ZNF782: variants seen among roughly 807,000 people sequenced by gnomAD.
ZNF782 encodes the protein zinc finger protein 782.
Under a neutral mutation model 13.0 loss-of-function variants are expected in ZNF782, and 12 were observed. The observed-to-expected ratio is 0.92, with a 90% CI of 0.59 to 1.50. The LOEUF is 1.50. ZNF782 is among the 40% of genes most tolerant of loss of function. ZNF782 has a pLI of 0.00. For missense variants in ZNF782, 770 were observed against 822.9 expected (o/e 0.94, Z 0.79); for synonymous variants, 284 against 283.0 (o/e 1.00, Z -0.04).
chr9:96,840,930 A>G (rs1851169121), intron 4 of ZNF782, among the ~76,000 whole-genome samples: 1 of 152,062 alleles, frequency 6.6e-6, no homozygotes, highest in Non-Finnish European at 1.5e-5. Flanking sequence ...TAAAACCAAA[A>G]AAACAAAAGA....
At chr9:96,931,373 A>G in the ZNF782 span, among the ~76,000 whole-genome samples, 4 of 148,518 alleles carry the variant, frequency 2.7e-5, no homozygotes, top group African/African-American at 1.0e-4. Flanking sequence ...GCACACTGAG[A>G]GCCACCAAGC....
At chr9:96,866,188 CT>C (rs1214784856) in intron 1 of ZNF782, among the ~76,000 whole-genome samples, 1 of 152,114 alleles carries the variant, frequency 6.6e-6, no homozygotes, top group Non-Finnish European at 1.5e-5. Flanking sequence ...TGTCAGAGAC[CT>C]TTGTGGCAGC....
At chr9:96,863,609 C>T (rs1851729437) in intron 1 of ZNF782, among the ~76,000 whole-genome samples, 1 of 152,102 alleles carries the variant, frequency 6.6e-6, no homozygotes, top group African/African-American at 2.4e-5. Context: ...TGGAGTCAGC[C>T]TAAATGCCCA....
At chr9:96,869,850 G>T (rs1435913379) in intron 1 of ZNF782, among the ~76,000 whole-genome samples, 1 of 152,132 alleles carries the variant, frequency 6.6e-6, no homozygotes, top group African/African-American at 2.4e-5. Context: ...ATTAAAATTT[G>T]CTTTGAGTAT....
chr9:96,832,260 C>G (rs1435173907), intron 4 of ZNF782, among the ~76,000 whole-genome samples: 1 of 152,260 alleles, frequency 6.6e-6, no homozygotes, highest in Admixed American at 6.5e-5. Flanking sequence ...TGAAGGGACT[C>G]TAAGTCCCTT....
chr9:96,931,278 C>T, the ZNF782 span, among the ~76,000 whole-genome samples: 2,917 of 150,908 alleles, frequency 0.019, 149 homozygotes, highest in East Asian at 0.22. Context: ...GGAGATGGGG[C>T]CATAATATTC....
At chr9:96,924,956 T>C in the ZNF782 span, among the ~76,000 whole-genome samples, 1 of 152,212 alleles carries the variant, frequency 6.6e-6, no homozygotes, top group Non-Finnish European at 1.5e-5. Context: ...GCCACAAGGA[T>C]GGGGTCGCCC....
intron 4 of ZNF782, among the ~76,000 whole-genome samples, chr9:96,842,643 C>T (rs1450814574): frequency 6.6e-6 from 1 of 151,934 alleles, no homozygotes; most frequent in Non-Finnish European, 1.5e-5. Context: ...AACCTTTGGT[C>T]CAAAGACTTA....
At chr9:96,846,602 T>C (rs1470019968) in intron 3 of ZNF782, among the ~76,000 whole-genome samples, 1 of 151,682 alleles carries the variant, frequency 6.6e-6, no homozygotes, top group African/African-American at 2.4e-5. Context: ...ACAAAGAAGG[T>C]CACCATATGA....
At position 96,854,121 on chromosome 9, in the gene ZNF782, G is replaced by T. The variant is rs1443138688; in HGVS notation, c.-295C>A. 2.0e-5 allele frequency: 3 copies of T among 152,254 alleles called. No individual in the cohort carries two copies. The East Asian group carries it at 5.8e-4, about 29-fold the overall frequency. 9.4% of individuals were successfully genotyped at this position (152,254 alleles called of 1,614,324 possible). ...TTCCAGCTCCAGAGCTCGGGGTCTCGATGCAGACCCACCGTCCGGGGATTT... is the reference window on the plus strand; with the variant it reads ...TTCCAGCTCCAGAGCTCGGGGTCTCTATGCAGACCCACCGTCCGGGGATTT... On this transcript the variant is annotated 5_prime_UTR_variant, in exon 1 of 6. An upstream open reading frame in the 5' UTR gains an earlier in-frame stop. Coordinates refer to ENST00000481138, the MANE Select transcript of ZNF782 (RefSeq NM_001001662.3).
chr9:96,836,358 G>A (rs372968112), intron 4 of ZNF782, among the ~76,000 whole-genome samples: 13 of 152,050 alleles, frequency 8.5e-5, no homozygotes, highest in Middle Eastern at 3.4e-3. Context: ...GACTATAGGC[G>A]CATGCCACAT....
intron 1 of ZNF782, among the ~76,000 whole-genome samples, chr9:96,861,830 C>A (rs990670328): frequency 6.6e-6 from 1 of 152,156 alleles, no homozygotes; most frequent in Non-Finnish European, 1.5e-5. Context: ...TAATTTAGTA[C>A]AACCACTATA....
At chr9:96,896,449 C>T in the ZNF782 span, among the ~76,000 whole-genome samples, 1 of 152,168 alleles carries the variant, frequency 6.6e-6, no homozygotes, top group Non-Finnish European at 1.5e-5. Context: ...ACTACTAAGA[C>T]ATTTGCATGT....
the ZNF782 span, among the ~76,000 whole-genome samples, chr9:96,907,855 G>A: frequency 6.6e-6 from 1 of 151,654 alleles, no homozygotes; most frequent in Non-Finnish European, 1.5e-5. Flanking sequence ...TGGCCAGGCT[G>A]GTCTCGAACT....
chr9:96,907,048 AAC>A, the ZNF782 span, among the ~76,000 whole-genome samples: 4 of 151,958 alleles, frequency 2.6e-5, no homozygotes, highest in African/African-American at 9.7e-5. Flanking sequence ...CAGGGAATCG[AAC>A]AGATATTTGT....
chr9:96,885,655 T>C, the ZNF782 span, among the ~76,000 whole-genome samples: 9 of 152,162 alleles, frequency 5.9e-5, no homozygotes, highest in African/African-American at 2.2e-4. Flanking sequence ...TTCCCAAACA[T>C]GGTAAGCCCA....
chr9:96,817,552 G>A lies in ZNF782; in HGVS notation c.*371C>T, dbSNP rs1401188225. 5.7e-6 allele frequency: 1 copy of A among 176,134 alleles called. No homozygotes were observed. The highest frequency in any genetic ancestry group is 1.6e-4 in the East Asian group (1 of 6,316). The allele number at this position is 176,134 out of a possible 1,614,324, so 10.9% of individuals were successfully genotyped here. On this transcript the variant is annotated 3_prime_UTR_variant, in exon 6 of 6. Coordinates refer to ENST00000481138, the MANE Select transcript of ZNF782 (RefSeq NM_001001662.3). ...GCTTTTGTCATTGTGTGATTTCTCT[G>A]ATGGTGAATGAGTTTTGATTGTTGG...
the ZNF782 span, among the ~76,000 whole-genome samples, chr9:96,912,045 C>A: frequency 6.6e-6 from 1 of 150,662 alleles, no homozygotes; most frequent in African/African-American, 2.4e-5. Context: ...ACTAAAAATA[C>A]AAAAAATCAG....
the ZNF782 span, among the ~76,000 whole-genome samples, chr9:96,919,569 T>G: frequency 8.5e-6 from 1 of 118,310 alleles, no homozygotes; most frequent in African/African-American, 3.4e-5. Flanking sequence ...AAATGAGTTT[T>G]TTTTTTTTTT....
Sources: allele counts gnomAD v4.1 joint callset (sites outside exome capture counted in the v4.1 genomes callset), GRCh38; gene constraint gnomAD v4.1.1; transcripts MANE v1.5; gene names NCBI Gene and HGNC (gene_info 2026-07-23, HGNC 2026-07-21).